Variants in EFEMP1 observed in about 807,000 individuals in gnomAD.
The protein encoded by EFEMP1 is EGF-containing fibulin-like extracellular matrix protein 1.
EFEMP1 carries 18 observed loss-of-function variants against 65.7 expected under a neutral mutation model. That is an observed-to-expected ratio of 0.27 (90% CI 0.19 to 0.41). The LOEUF (loss-of-function observed/expected upper bound fraction) is 0.41. Among genes scored for constraint, EFEMP1 ranks in the 10% least tolerant of loss-of-function variants. EFEMP1 has a pLI of 1.00. For synonymous variants in EFEMP1, 237 were observed against 219.7 expected (o/e 1.08, Z -0.70); for missense variants, 469 against 624.8 (o/e 0.75, Z 2.66).
chr2:55,918,375 A>G, intron 3 of EFEMP1, 108 bp from the exon 4 acceptor site: 2 of 1,290,852 alleles, frequency 1.5e-6, no homozygotes, highest in South Asian at 1.2e-5. Context: ...TCCTTGTGCT[A>G]AAGTCCTAGA....
rs1670946899 is a variant in EFEMP1 at position 55,922,666 on chromosome 2, AT to A, written c.-7-220del. On this transcript the variant is annotated intron_variant, in intron 2 of 11. Transcript: ENST00000355426. The surrounding 1 kb of genome is among the most constrained non-coding windows in gnomAD (Gnocchi z 5.5). The stretch of plus-strand genomic sequence containing the variant: ...GACGTAAAAACTGCTGTAGAATTGC[AT>A]TTCACGTTACTCCATCCTGCTACGC... 1 of 539,650 alleles carries A rather than the reference AT, an allele frequency of 1.9e-6. No homozygotes were observed. The highest frequency in any genetic ancestry group is 3.9e-5 in the East Asian group (1 of 25,692). The allele number at this position is 539,650 out of a possible 1,614,324, so 33.4% of individuals were successfully genotyped here.
intron 5 of EFEMP1, among the ~76,000 whole-genome samples, chr2:55,884,571 A>G (rs752822499): frequency 9.2e-5 from 14 of 152,224 alleles, no homozygotes; most frequent in Non-Finnish European, 2.1e-4. Flanking sequence ...AGCCTTTTGT[A>G]GGTATCTCCA....
At chr2:55,888,551 C>A (rs374649290) in intron 5 of EFEMP1, among the ~76,000 whole-genome samples, 42 of 152,120 alleles carry the variant, frequency 2.8e-4, no homozygotes, top group East Asian at 1.9e-3. Context: ...GTTGGCCAGG[C>A]TGGTCTCAAA....
At chr2:55,894,027 A>T (rs1260189033) in intron 5 of EFEMP1, among the ~76,000 whole-genome samples, 1 of 152,192 alleles carries the variant, frequency 6.6e-6, no homozygotes, top group East Asian at 1.9e-4. Context: ...AACAAAACAA[A>T]TCTAGTATCT....
intron 5 of EFEMP1, among the ~76,000 whole-genome samples, chr2:55,891,598 T>C (rs1464166001): frequency 1.3e-5 from 2 of 152,118 alleles, no homozygotes; most frequent in Non-Finnish European, 2.9e-5. Context: ...TTTATACCTT[T>C]ACAATCTATC....
At chr2:55,897,985 G>A (rs1669891608) in intron 5 of EFEMP1, among the ~76,000 whole-genome samples, 1 of 152,290 alleles carries the variant, frequency 6.6e-6, no homozygotes, top group Middle Eastern at 3.4e-3. Flanking sequence ...ATTTTGCAGG[G>A]TGACTGCCTT....
rs1156444296 is a variant in EFEMP1 at position 55,918,069 on chromosome 2, A to G, written c.131-18T>C. ...ATCAATATCTGTGGTCAGTAATAAA[A>G]TAAGTCAGGAATCTTCTAAGAGGGA... On this transcript the variant is annotated intron_variant, in intron 4 of 11. Transcript: ENST00000355426. 1.9e-6 allele frequency: 3 copies of G among 1,614,230 alleles called. No homozygotes were observed. The highest frequency in any genetic ancestry group is 2.5e-6 in the Non-Finnish European group (3 of 1,180,040).
chr2:55,871,250 C>T lies in EFEMP1; in HGVS notation c.1001-127G>A. ...GAGCATCTGGACTGTGTTCAACCTG[C>T]TTTTAGACACAAGACTGGGTGTTCA... On this transcript the variant is annotated intron_variant, in intron 9 of 11. Transcript: ENST00000355426. The surrounding 1 kb of genome is among the most constrained non-coding windows in gnomAD (Gnocchi z 4.2). 1.6e-6 allele frequency: 2 copies of T among 1,277,686 alleles called. No homozygotes were observed. Among genetic ancestry groups the T allele is most frequent in the Admixed American group, 1.8e-5 (1 of 54,690 alleles). The allele number at this position is 1,277,686 out of a possible 1,614,324, so 79.1% of individuals were successfully genotyped here.
At chr2:55,915,545 C>G (rs971364471) in intron 5 of EFEMP1, among the ~76,000 whole-genome samples, 1 of 152,054 alleles carries the variant, frequency 6.6e-6, no homozygotes, top group Non-Finnish European at 1.5e-5. Context: ...TCATTTAGTT[C>G]TGGGCATTGT....
rs543730025 is a variant in EFEMP1, at chr2:55,886,970, A to G, written c.518-5236T>C. Among the ~76,000 whole-genome samples the G allele has an allele frequency of 2.0e-5, 3 of 152,298 alleles. No homozygotes were observed. Among genetic ancestry groups the G allele is most frequent in the East Asian group, 3.9e-4 (2 of 5,190 alleles). The stretch of plus-strand genomic sequence containing the variant: ...GAAAAAAGTATATAATATTTTATAC[A>G]GATTCATATACAAACTTGGTAACAT... On this transcript the variant is annotated intron_variant, in intron 5 of 11. Transcript: ENST00000355426. This position sits in a 1 kb window ranked among gnomAD's most constrained non-coding sequence, Gnocchi z 4.0.
chr2:55,914,404 A>G (rs1670597821), intron 5 of EFEMP1, among the ~76,000 whole-genome samples: 1 of 152,196 alleles, frequency 6.6e-6, no homozygotes, highest in South Asian at 2.1e-4. Context: ...CACCCCCAAA[A>G]ATACATGAAG....
chr2:55,889,943 GA>G (rs1205749150), intron 5 of EFEMP1, among the ~76,000 whole-genome samples: 1 of 151,934 alleles, frequency 6.6e-6, no homozygotes, highest in Admixed American at 6.5e-5. Context: ...CAGGACAAAT[GA>G]AAAGCAAATA....
intron 3 of EFEMP1, among the ~76,000 whole-genome samples, chr2:55,918,475 A>C (rs1670792552): frequency 6.6e-6 from 1 of 152,080 alleles, no homozygotes; most frequent in Admixed American, 6.5e-5. Flanking sequence ...TCCATTCTCA[A>C]CCATCAGCTG....
At chr2:55,874,878 A>G (rs562199766) in intron 9 of EFEMP1, 68 bp downstream of exon 9, 44 of 1,528,888 alleles carry the variant, frequency 2.9e-5, no homozygotes, top group African/African-American at 2.6e-4. Context: ...GGAGAATCCT[A>G]TAACTTCCTC....
At chr2:55,918,551 A>G (rs1274915665) in intron 3 of EFEMP1, among the ~76,000 whole-genome samples, 1 of 151,436 alleles carries the variant, frequency 6.6e-6, no homozygotes, top group Non-Finnish European at 1.5e-5. Context: ...TTTGAGACTA[A>G]TCTTCTCCAA....
intron 8 of EFEMP1, 133 bp downstream of exon 8, chr2:55,876,490 C>A: frequency 7.7e-7 from 1 of 1,295,194 alleles, no homozygotes; most frequent in Admixed American, 2.2e-5. Context: ...AACAACTGAA[C>A]TACATTAACT....
At chr2:55,896,913 A>G (rs755853220) in intron 5 of EFEMP1, among the ~76,000 whole-genome samples, 1 of 152,282 alleles carries the variant, frequency 6.6e-6, no homozygotes, top group South Asian at 2.1e-4. Flanking sequence ...ACTCTTGTCT[A>G]TCTTCATGTA....
rs965754877 is a variant in EFEMP1 at position 55,919,360 on chromosome 2, G to C, written c.82-1093C>G. Among the ~76,000 whole-genome samples the C allele has an allele frequency of 6.6e-6, 1 of 152,088 alleles. No individual in the cohort carries two copies. The highest frequency in any genetic ancestry group is 1.5e-5 in the Non-Finnish European group (1 of 68,016). On this transcript the variant is annotated intron_variant, in intron 3 of 11. Coordinates refer to ENST00000355426, the MANE Select transcript of EFEMP1 (RefSeq NM_001039348.3). This position sits in a 1 kb window ranked among gnomAD's most constrained non-coding sequence, Gnocchi z 4.5. The stretch of plus-strand genomic sequence containing the variant: ...TTCTTGTTAAAATGAAGATTCCTGG[G>C]CCCACCCAAAGGATTTGATTCTGTA...
At position 55,871,264 on chromosome 2, in the gene EFEMP1, A is replaced by T. The variant is rs1195359446; in HGVS notation, c.1001-141T>A. 10 of 1,131,974 alleles carry T rather than the reference A, an allele frequency of 8.8e-6. No homozygotes were observed. The highest frequency in any genetic ancestry group is 1.3e-5 in the Non-Finnish European group (10 of 772,824). The allele number at this position is 1,131,974 out of a possible 1,614,324, so 70.1% of individuals were successfully genotyped here. ...TGTTCAACCTGCTTTTAGACACAAG[A>T]CTGGGTGTTCATTGTATTGAATTCA... On this transcript the variant is annotated intron_variant, in intron 9 of 11. Transcript: ENST00000355426. The surrounding 1 kb of genome is among the most constrained non-coding windows in gnomAD (Gnocchi z 4.2).
Sources: gnomAD v4.1 joint callset for allele counts (sites outside exome capture counted in the v4.1 genomes callset) on GRCh38, gnomAD v4.1.1 for gene constraint, Gnocchi (gnomAD v3.1) non-coding constraint, MANE v1.5 for transcripts, NCBI Gene and HGNC (gene_info 2026-07-23, HGNC 2026-07-21) for gene names.